The following STK33 variants were observed in gnomAD, a reference collection of about 807,000 sequenced individuals.
STK33 encodes the protein serine/threonine-protein kinase 33.
A neutral mutation model predicts 58.0 loss-of-function variants in STK33; 52 were observed. The observed-to-expected ratio is 0.90, with a 90% confidence interval of 0.72 to 1.13. The LOEUF is 1.13. Ranked by LOEUF, STK33 falls within the 50% of genes most tolerant of loss-of-function variation. STK33 has a pLI of 0.00. For missense variants in STK33, 630 were observed against 604.2 expected, an observed-to-expected ratio of 1.04 and a Z score of -0.45; for synonymous variants, 215 against 200.1, an observed-to-expected ratio of 1.07 and a Z score of -0.63.
chr11:8,353,535 G>C, the STK33 span, among the ~76,000 whole-genome samples: 3 of 152,124 alleles, frequency 2.0e-5, no homozygotes, highest in African/African-American at 7.2e-5. Flanking sequence ...GCTGAAATCG[G>C]TTAGAACAGG....
chr11:8,441,696 C>T (rs1944763838), intron 11 of STK33, among the ~76,000 whole-genome samples: 1 of 151,878 alleles, frequency 6.6e-6, no homozygotes, highest in African/African-American at 2.4e-5. Context: ...ACTGCAGGAA[C>T]ATGTCTATTG....
chr11:8,445,874 T>C (rs1040153107), intron 11 of STK33, among the ~76,000 whole-genome samples: 14 of 152,208 alleles, frequency 9.2e-5, no homozygotes, highest in Non-Finnish European at 1.8e-4. Flanking sequence ...GGTTTTGGTA[T>C]CAGGATGATG....
chr11:8,448,570 G>C lies in STK33; in HGVS notation c.871+4252C>G, dbSNP rs185624080. On this transcript the variant is annotated intron_variant, in intron 11 of 15. Coordinates refer to ENST00000687296, the MANE Select transcript of STK33 (RefSeq NM_001352389.2). Reference sequence around the variant, plus strand: ...TTCAATAAATGGTGCTGGGAAAACTGGCTAGCCATATGTAGAAAGCTGAAA... The same window carrying C: ...TTCAATAAATGGTGCTGGGAAAACTCGCTAGCCATATGTAGAAAGCTGAAA... 7.6e-4 allele frequency among the ~76,000 whole-genome samples: 115 copies of C among 152,224 alleles called. 2 individuals carry two copies. Among genetic ancestry groups the C allele is most frequent in the Admixed American group, 1.0e-3 (16 of 15,294 alleles).
chr11:8,445,803 C>A (rs1418998616), intron 11 of STK33, among the ~76,000 whole-genome samples: 222 of 152,142 alleles, frequency 1.5e-3, no homozygotes, highest in African/African-American at 5.2e-3. Flanking sequence ...TGAGGATTTT[C>A]ACATCGCTGT....
At chr11:8,396,330 C>T (rs1293799757) in intron 15 of STK33, among the ~76,000 whole-genome samples, 1 of 152,146 alleles carries the variant, frequency 6.6e-6, no homozygotes, top group South Asian at 2.1e-4. Context: ...TCTCAATATG[C>T]AAATGTTTAT....
At chr11:8,430,143 C>A (rs902733327) in intron 14 of STK33, among the ~76,000 whole-genome samples, 1 of 152,156 alleles carries the variant, frequency 6.6e-6, no homozygotes, top group Admixed American at 6.5e-5. Context: ...ATAGCTCTAA[C>A]CTTCCTTTTC....
intron 1 of STK33, among the ~76,000 whole-genome samples, chr11:8,550,672 G>T (rs1395852491): frequency 1.3e-5 from 2 of 152,130 alleles, no homozygotes; most frequent in Admixed American, 1.3e-4. Flanking sequence ...AACATAACAA[G>T]AGGCATCTTT....
At chr11:8,418,921 T>C (rs1419880563) in intron 14 of STK33, among the ~76,000 whole-genome samples, 8 of 152,176 alleles carry the variant, frequency 5.3e-5, no homozygotes, top group African/African-American at 1.9e-4. Flanking sequence ...TTCATGTCCT[T>C]TGCCCACTTT....
intron 14 of STK33, among the ~76,000 whole-genome samples, chr11:8,430,866 AT>A (rs11423343): frequency 0.2 from 26,955 of 133,594 alleles, 2,257 homozygotes; most frequent in South Asian, 0.32. Flanking sequence ...CCTTAACATA[AT>A]TTTTTTTTTT....
rs138785294 is a variant in STK33 at position 8,538,883 on chromosome 11, G to A, written c.-466+55200C>T. 6.6e-4 allele frequency among the ~76,000 whole-genome samples: 101 copies of A among 152,282 alleles called. 1 individual carries two copies. The South Asian group carries it at 8.3e-3, about 13-fold the overall frequency. ...AGGACTTCCTAAAAGTCAAGGGTCCGGAACTCGCTTGTCTCAGATGATAAT... is the reference window on the plus strand; with the variant it reads ...AGGACTTCCTAAAAGTCAAGGGTCCAGAACTCGCTTGTCTCAGATGATAAT... On this transcript the variant is annotated intron_variant, in intron 1 of 15. Transcript: ENST00000687296.
chr11:8,416,419 TTTAC>T (rs142532291), intron 14 of STK33, among the ~76,000 whole-genome samples: 15,222 of 152,088 alleles, frequency 0.1, 1,406 homozygotes, highest in African/African-American at 0.24. Context: ...GAACATCAGC[TTTAC>T]TTTTGTCTCA....
the STK33 span, among the ~76,000 whole-genome samples, chr11:8,348,051 G>T: frequency 6.6e-6 from 1 of 152,260 alleles, no homozygotes; most frequent in African/African-American, 2.4e-5. Context: ...CACTGGGAAG[G>T]CCCCAACCCC....
At chr11:8,347,739 C>T in the STK33 span, among the ~76,000 whole-genome samples, 1 of 152,176 alleles carries the variant, frequency 6.6e-6, no homozygotes, top group Non-Finnish European at 1.5e-5. Context: ...AACTGCAATA[C>T]CTGACCAACA....
rs571038825 is a variant in STK33, at chr11:8,449,961, C to A, written c.871+2861G>T. Among the ~76,000 whole-genome samples the A allele has an allele frequency of 2.0e-5, 3 of 152,116 alleles. No individual in the cohort carries two copies. In the East Asian group the frequency reaches 5.8e-4, roughly 29 times the overall value. On this transcript the variant is annotated intron_variant, in intron 11 of 15. Coordinates refer to ENST00000687296, the MANE Select transcript of STK33 (RefSeq NM_001352389.2). Reference sequence around the variant, plus strand: ...TGCTTTTACACCGTTGGTGGGAGTGCAAATTAGTTCAACCATTGTGGAATA... The same window carrying A: ...TGCTTTTACACCGTTGGTGGGAGTGAAAATTAGTTCAACCATTGTGGAATA...
At chr11:8,410,206 C>T (rs1385116342) in intron 15 of STK33, among the ~76,000 whole-genome samples, 1 of 152,160 alleles carries the variant, frequency 6.6e-6, no homozygotes, top group African/African-American at 2.4e-5. Context: ...CTCACAGAAA[C>T]ATTATCAACA....
intron 15 of STK33, among the ~76,000 whole-genome samples, chr11:8,397,689 T>C (rs569252409): frequency 2.8e-4 from 43 of 151,894 alleles, no homozygotes; most frequent in Non-Finnish European, 5.6e-4. Flanking sequence ...TCTGAACCCA[T>C]GGCAAAGAAG....
chr11:8,558,350 C>CG (rs1565361927), intron 1 of STK33, among the ~76,000 whole-genome samples: 1 of 148,028 alleles, frequency 6.8e-6, no homozygotes, highest in Non-Finnish European at 1.5e-5. Context: ...CAAGGACTTA[C>CG]GGGGGAAATG....
At chr11:8,586,717 G>A (rs1356828799) in intron 1 of STK33, among the ~76,000 whole-genome samples, 3 of 150,816 alleles carry the variant, frequency 2.0e-5, no homozygotes, top group Non-Finnish European at 2.9e-5. Context: ...CCAGTAACTC[G>A]GGAGGCTGAG....
intron 1 of STK33, among the ~76,000 whole-genome samples, chr11:8,481,192 C>T (rs1387792363): frequency 6.6e-6 from 1 of 152,140 alleles, no homozygotes; most frequent in Non-Finnish European, 1.5e-5. Context: ...AAAGCACAAT[C>T]GAAGGGTCCA....
Sources: allele counts gnomAD v4.1 joint callset (sites outside exome capture counted in the v4.1 genomes callset), GRCh38; gene constraint gnomAD v4.1.1; transcripts MANE v1.5; gene names NCBI Gene and HGNC (gene_info 2026-07-23, HGNC 2026-07-21).